Variants in TRIP12 observed in about 807,000 individuals in gnomAD.
TRIP12 encodes the protein E3 ubiquitin-protein ligase TRIP12.
In TRIP12, 25 loss-of-function variants were observed where a neutral mutation model predicts 244.2. The observed-to-expected ratio is 0.10, with a 90% CI of 0.07 to 0.14. TRIP12 has a LOEUF of 0.14. Among genes scored for constraint, TRIP12 ranks in the 10% least tolerant of loss-of-function variants. TRIP12 has a pLI of 1.00. For synonymous variants in TRIP12, 905 were observed against 873.1 expected (o/e 1.04, Z -0.64); for missense variants, 1,677 against 2,486.4 (o/e 0.67, Z 6.92).
chr2:229,887,493 G>C (rs549005892), intron 1 of TRIP12, among the ~76,000 whole-genome samples: 20 of 152,292 alleles, frequency 1.3e-4, no homozygotes, highest in Admixed American at 3.9e-4. Context: ...AGATAAGGAG[G>C]CAGATCAAGT....
At chr2:229,922,413 C>T (rs2076743030), upstream of TRIP12, 3 of 1,106,214 alleles carry the variant, frequency 2.7e-6, no homozygotes, top group African/African-American at 1.5e-5. Context: ...CTTCTGCCAG[C>T]TCATAAGCGT....
At chr2:229,770,121 C>T (rs1233159330) in intron 39 of TRIP12, among the ~76,000 whole-genome samples, 1 of 152,000 alleles carries the variant, frequency 6.6e-6, no homozygotes, top group Non-Finnish European at 1.5e-5. Flanking sequence ...CAGGTGCATA[C>T]CACCACGCCC....
At chr2:229,827,187 G>A (rs1303131281) in intron 8 of TRIP12, among the ~76,000 whole-genome samples, 1 of 151,948 alleles carries the variant, frequency 6.6e-6, no homozygotes, top group Non-Finnish European at 1.5e-5. Flanking sequence ...GGCTGAAGCA[G>A]GAGAATCGCT....
rs1291539731 is a variant in TRIP12, at chr2:229,798,729, T to C, written c.3482+146A>G. The C allele has an allele frequency of 5.6e-6, 5 of 892,904 alleles. No homozygotes were observed. In the Admixed American group the frequency reaches 8.8e-5, roughly 16 times the overall value. The allele number at this position is 892,904 out of a possible 1,614,324, so 55.3% of individuals were successfully genotyped here. A position where few individuals can be genotyped will look rare whatever the true frequency, so the allele number is the denominator to read the frequency against. On this transcript the variant is annotated intron_variant, in intron 23 of 41. Coordinates refer to ENST00000675903, the MANE Select transcript of TRIP12 (RefSeq NM_001348323.3). ...ATGCAGGGTTCATAAACTGAGAAAC[T>C]ACCTAATTCTTGAACTATGCTTTTA... is the stretch of plus-strand genomic sequence containing the variant.
Position 229,846,004 on chromosome 2 carries a change from C to T in TRIP12, c.1028-5077G>A, listed in dbSNP as rs1483829724. On this transcript the variant is annotated intron_variant, in intron 4 of 41. Transcript: ENST00000675903. ...AGCCTGGGTGACAGATCGAGAGCCTCTCTTTTTTTCAAAAAAAAAAAAAAA... is the reference window on the plus strand; with the variant it reads ...AGCCTGGGTGACAGATCGAGAGCCTTTCTTTTTTTCAAAAAAAAAAAAAAA... Among the ~76,000 whole-genome samples, 6 of 108,214 alleles carry T rather than the reference C, an allele frequency of 5.5e-5. No homozygotes were observed. The East Asian group carries it at 1.2e-3, about 21-fold the overall frequency. The allele number at this position is 108,214 out of a possible 152,430, so 71.0% of individuals were successfully genotyped here.
At chr2:229,803,524 T>C in intron 20 of TRIP12, 47 bp downstream of exon 20, 1 of 1,236,298 alleles carries the variant, frequency 8.1e-7, no homozygotes, top group Non-Finnish European at 1.2e-6. Flanking sequence ...TTTATTTCTG[T>C]TGAAGTACTA....
rs1368110769 is a variant in TRIP12, at chr2:229,864,043, AGAGAGTGTGTGTGTGT to A, written c.99-3528_99-3513del. On this transcript the variant is annotated intron_variant, in intron 2 of 41. Transcript: ENST00000675903. ...GAGAGAGAGAGAGAGAGAGAGAGAG[AGAGAGTGTGTGTGTGT>A]GTGTGTGTGTGTGTGTGTGCACGCG... Among the ~76,000 whole-genome samples, 178 of 72,084 alleles carry A rather than the reference AGAGAGTGTGTGTGTGT, an allele frequency of 2.5e-3. 1 individual carries two copies. The highest frequency in any genetic ancestry group is 8.5e-3 in the African/African-American group (170 of 20,098). The allele number at this position is 72,084 out of a possible 152,430, so 47.3% of individuals were successfully genotyped here.
At chr2:229,786,158 T>TTC (rs1305620434) in intron 33 of TRIP12, among the ~76,000 whole-genome samples, 17 of 152,126 alleles carry the variant, frequency 1.1e-4, no homozygotes, top group African/African-American at 4.1e-4. Context: ...ATCAGTGCAA[T>TTC]TCTCAGGGCT....
At chr2:229,818,294 C>G (rs1432454475) in intron 9 of TRIP12, 70 bp downstream of exon 9, 4 of 1,465,776 alleles carry the variant, frequency 2.7e-6, no homozygotes, top group African/African-American at 1.4e-5. Flanking sequence ...AATAATCATA[C>G]ATTCAGTACA....
intron 1 of TRIP12, among the ~76,000 whole-genome samples, chr2:229,882,593 C>A (rs1341734609): frequency 6.6e-6 from 1 of 152,132 alleles, no homozygotes; most frequent in African/African-American, 2.4e-5. Context: ...CTTCAATCAT[C>A]TCAATGCCAT....
intron 18 of TRIP12, 48 bp downstream of exon 18, chr2:229,805,682 A>C: frequency 7.0e-7 from 1 of 1,422,904 alleles, no homozygotes; most frequent in Non-Finnish European, 9.4e-7. Flanking sequence ...TGCAAACACA[A>C]AATATTGCAC....
At chr2:229,856,659 G>A (rs1343824684) in intron 4 of TRIP12, among the ~76,000 whole-genome samples, 1 of 151,636 alleles carries the variant, frequency 6.6e-6, no homozygotes, top group African/African-American at 2.4e-5. Flanking sequence ...AACTCAACCT[G>A]GCTCACTGGC....
chr2:229,875,730 T>C (rs1292114198), intron 2 of TRIP12, among the ~76,000 whole-genome samples: 1 of 152,242 alleles, frequency 6.6e-6, no homozygotes, highest in African/African-American at 2.4e-5. Context: ...TAACTGCTAT[T>C]ATTATCATTA....
chr2:229,901,404 T>C (rs1388243296), intron 1 of TRIP12, among the ~76,000 whole-genome samples: 3 of 151,250 alleles, frequency 2.0e-5, no homozygotes, highest in Non-Finnish European at 2.9e-5. Context: ...GTGGATCACC[T>C]GAGGTCAGGA....
rs766239972 is a variant in TRIP12, at chr2:229,859,347, C to A, written c.452G>T (p.Ser151Ile). The change falls in exon 4 of 42, where the codon AGT becomes ATT. Residue 151 changes from serine to isoleucine, a missense_variant. Ser to Ile is a moderately radical substitution (Grantham distance 142). Coordinates refer to ENST00000675903, the MANE Select transcript of TRIP12 (RefSeq NM_001348323.3). ...GTCTAAATGTCTCTTCTTTGACTTA[C>A]TATGTGGCTTATTTGTTTCTGAGGG... Reference protein sequence around the residue: ...ESPSETNKPHSKSKKRHLDQE... With the variant: ...ESPSETNKPHIKSKKRHLDQE... 3.1e-6 allele frequency: 5 copies of A among 1,614,082 alleles called. No individual in the cohort carries two copies. The highest frequency in any genetic ancestry group is 4.2e-6 in the Non-Finnish European group (5 of 1,180,044).
chr2:229,773,934 A>G (rs2035394139), intron 38 of TRIP12, 163 bp downstream of exon 38: 1 of 638,088 alleles, frequency 1.6e-6, no homozygotes. Flanking sequence ...ATGTGCACTC[A>G]AGAGCAAAGA....
At chr2:229,780,746 T>C (rs2037876938) in intron 34 of TRIP12, among the ~76,000 whole-genome samples, 1 of 152,210 alleles carries the variant, frequency 6.6e-6, no homozygotes, top group Non-Finnish European at 1.5e-5. Context: ...TGCTTCATCC[T>C]CTTATTTTTA....
chr2:229,792,265 T>G, intron 27 of TRIP12, 39 bp from the exon 28 acceptor site: 1 of 1,593,150 alleles, frequency 6.3e-7, no homozygotes, highest in Non-Finnish European at 8.5e-7. Context: ...TTAGCGATTT[T>G]AGGTGTAAAA....
intron 6 of TRIP12, among the ~76,000 whole-genome samples, chr2:229,831,865 G>GT (rs71941458): frequency 0.17 from 21,434 of 128,770 alleles, 1,673 homozygotes; most frequent in Admixed American, 0.22. Flanking sequence ...GAGGTCAAAG[G>GT]TTTTTTTTGT....
Sources: allele counts gnomAD v4.1 joint callset (sites outside exome capture counted in the v4.1 genomes callset), GRCh38; gene constraint gnomAD v4.1.1; transcripts MANE v1.5; gene names NCBI Gene and HGNC (gene_info 2026-07-23, HGNC 2026-07-21).